DRC4: variants seen among roughly 807,000 people sequenced by gnomAD.
The protein encoded by DRC4 is dynein regulatory complex subunit 4.
the DRC4 span, among the ~76,000 whole-genome samples, chr16:90,024,524 T>G: frequency 6.6e-6 from 1 of 152,152 alleles, no homozygotes; most frequent in Admixed American, 6.5e-5. Flanking sequence ...CGACTTGAGT[T>G]TATCTGCCTA....
the DRC4 span, among the ~76,000 whole-genome samples, chr16:90,023,772 T>G: frequency 6.6e-6 from 1 of 150,824 alleles, no homozygotes; most frequent in African/African-American, 2.4e-5. Context: ...GGCAGGCGGA[T>G]CATGAGGTCA....
the DRC4 span, chr16:90,031,606 A>G: frequency 1.3e-5 from 16 of 1,212,002 alleles, no homozygotes; most frequent in Non-Finnish European, 1.8e-5. Flanking sequence ...TTTGGGAGTC[A>G]CAGCCTTAAA....
the DRC4 span, chr16:90,037,546 C>A: frequency 9.1e-7 from 1 of 1,093,990 alleles, no homozygotes; most frequent in Non-Finnish European, 1.3e-6. Flanking sequence ...CTCGTGTTCT[C>A]CTGGGGAAAG....
the DRC4 span, among the ~76,000 whole-genome samples, chr16:90,024,812 A>C: frequency 6.6e-6 from 1 of 152,040 alleles, no homozygotes; most frequent in Non-Finnish European, 1.5e-5. Flanking sequence ...TCTCAAAAAA[A>C]ACAAAAACAA....
chr16:90,044,202 C>T, the DRC4 span: 1 of 453,940 alleles, frequency 2.2e-6, no homozygotes, highest in East Asian at 6.9e-5. Flanking sequence ...AGGTTAGGCC[C>T]AGAGAGCTGG....
the DRC4 span, among the ~76,000 whole-genome samples, chr16:90,026,433 G>A: frequency 6.6e-6 from 1 of 152,138 alleles, no homozygotes; most frequent in Non-Finnish European, 1.5e-5. Context: ...TCTTGACCAG[G>A]CTTCTCTGAA....
chr16:90,034,238 T>A, the DRC4 span, among the ~76,000 whole-genome samples: 4 of 152,138 alleles, frequency 2.6e-5, no homozygotes, highest in African/African-American at 9.7e-5. Flanking sequence ...AGCCTGAGAG[T>A]GCCGAAGTCT....
At chr16:90,035,762 G>A in the DRC4 span, 4 of 1,613,360 alleles carry the variant, frequency 2.5e-6, no homozygotes, top group African/African-American at 5.3e-5. Context: ...TACCTCCAGA[G>A]CTTGTTAACT....
the DRC4 span, among the ~76,000 whole-genome samples, chr16:90,035,133 C>T: frequency 1.3e-5 from 2 of 152,036 alleles, no homozygotes; most frequent in Admixed American, 6.6e-5. Flanking sequence ...AAACTCCCGA[C>T]CTCAGGTGGT....
At chr16:90,035,200 G>T in the DRC4 span, among the ~76,000 whole-genome samples, 1 of 152,240 alleles carries the variant, frequency 6.6e-6, no homozygotes, top group African/African-American at 2.4e-5. Flanking sequence ...ACTGTGCCCG[G>T]CAATCTTTAA....
chr16:90,022,959 A>C, the DRC4 span, among the ~76,000 whole-genome samples: 1 of 152,146 alleles, frequency 6.6e-6, no homozygotes, highest in African/African-American at 2.4e-5. Context: ...CCCTGTGCTC[A>C]CAGGGGTGGT....
chr16:90,024,794 A>G, the DRC4 span, among the ~76,000 whole-genome samples: 1 of 152,042 alleles, frequency 6.6e-6, no homozygotes, highest in Non-Finnish European at 1.5e-5. Flanking sequence ...TGACAGAGCA[A>G]GACTCCATCT....
chr16:90,037,086 T>G, the DRC4 span: 1 of 710,700 alleles, frequency 1.4e-6, no homozygotes, highest in East Asian at 2.7e-5. Context: ...ATACTGTTTA[T>G]ACATAGAAGA....
chr16:90,019,895 C>T, the DRC4 span: 5 of 96,862 alleles, frequency 5.2e-5, no homozygotes, highest in Non-Finnish European at 9.0e-5. This position sits in a 1 kb window ranked among gnomAD's most constrained non-coding sequence, Gnocchi z 6.1. Flanking sequence ...CGAATTAACG[C>T]GGGGGGCGGG....
At chr16:90,021,159 C>T in the DRC4 span, among the ~76,000 whole-genome samples, 1 of 152,224 alleles carries the variant, frequency 6.6e-6, no homozygotes, top group Non-Finnish European at 1.5e-5. Flanking sequence ...TCTCCAAGAA[C>T]AATCAGGACT....
chr16:90,040,795 G>A, the DRC4 span, among the ~76,000 whole-genome samples: 2 of 151,568 alleles, frequency 1.3e-5, no homozygotes, highest in African/African-American at 4.9e-5. Flanking sequence ...TTGGAGAGCC[G>A]CCAGGAGGCT....
the DRC4 span, chr16:90,020,294 A>T: frequency 2.5e-6 from 1 of 395,938 alleles, no homozygotes; most frequent in African/African-American, 2.2e-5. Context: ...GTGAGCTATG[A>T]TTGTATGTCT....
chr16:90,020,055 G>A, the DRC4 span: 1 of 683,480 alleles, frequency 1.5e-6, no homozygotes, highest in Admixed American at 2.1e-5. Flanking sequence ...TTCAGCGATT[G>A]CCAGCTCCTG....
chr16:90,037,442 T>G, the DRC4 span: 227 of 1,577,662 alleles, frequency 1.4e-4, no homozygotes, highest in Non-Finnish European at 1.7e-4. Context: ...GGCATGAGCT[T>G]GCCTAGGCTC....
Sources: allele counts gnomAD v4.1 joint callset (sites outside exome capture counted in the v4.1 genomes callset), GRCh38; gene constraint gnomAD v4.1.1; non-coding constraint Gnocchi (gnomAD v3.1); transcripts MANE v1.5; gene names NCBI Gene and HGNC (gene_info 2026-07-23, HGNC 2026-07-21).